Variants in RIF1 observed in about 807,000 individuals in gnomAD.
RIF1 encodes the protein telomere-associated protein RIF1.
A neutral mutation model predicts 247.1 loss-of-function variants in RIF1; 45 were observed. The ratio of observed to expected loss-of-function variants is 0.18; its 90% CI spans 0.14 to 0.23. The LOEUF is 0.23. Among genes scored for constraint, RIF1 ranks in the 10% least tolerant of loss-of-function variants. The probability of loss-of-function intolerance (pLI) is 1.00; values close to 1 mark genes in which losing one functional copy is unlikely to be tolerated. For synonymous variants in RIF1, 1,087 were observed against 978.8 expected (o/e 1.11, Z -2.06); for missense variants, 2,967 against 2,862.5 (o/e 1.04, Z -0.83).
chr2:151,418,799 C>T (rs919463474), intron 6 of RIF1, among the ~76,000 whole-genome samples: 8 of 151,664 alleles, frequency 5.3e-5, no homozygotes, highest in East Asian at 1.9e-4. Context: ...CACTTGCACC[C>T]GGGAGGCAGA....
rs759177337 is a variant in RIF1, at chr2:151,465,215, G to A, written c.5695G>A (p.Val1899Ile). The change falls in exon 30 of 36, where the codon GTT (valine) becomes ATT (isoleucine). Residue 1899 changes from valine to isoleucine, a missense_variant. Physicochemically the swap from Val to Ile is conservative, Grantham distance 29. This residue lies in a region of RIF1 where 2,028 missense variants were observed against 1,825.6 expected (regional missense o/e 1.11). Transcript: ENST00000444746. ...KMELSLENVT[V>I]EGNACKVTES... Reference sequence around the variant, plus strand: ...GGAACTGAGTCTAGAGAATGTTACTGTTGAAGGAAATGCATGTAAAGTAAC... The same window carrying A: ...GGAACTGAGTCTAGAGAATGTTACTATTGAAGGAAATGCATGTAAAGTAAC... 6.2e-7 allele frequency: 1 copy of A among 1,611,218 alleles called. No homozygotes were observed. Among genetic ancestry groups the A allele is most frequent in the South Asian group, 1.1e-5 (1 of 90,258 alleles).
intron 9 of RIF1, among the ~76,000 whole-genome samples, chr2:151,487,974 G>T (rs1050506139): frequency 1.3e-5 from 2 of 152,058 alleles, no homozygotes; most frequent in Non-Finnish European, 2.9e-5. Context: ...GATTCAATTT[G>T]ATACTTTGTA....
At position 151,469,888 on chromosome 2, in the gene RIF1, G is replaced by GA. The variant is rs752920292; in HGVS notation, c.7095+25dup. ...AGGTAAAAACTTAGATATTAGCTAT[G>GA]ATGTATATTAATAAATGATGTAGCA... On this transcript the variant is annotated intron_variant, in intron 34 of 35. Coordinates refer to ENST00000444746, the MANE Select transcript of RIF1 (RefSeq NM_018151.5). The GA allele has an allele frequency of 2.0e-6, 3 of 1,536,132 alleles. No homozygotes were observed. In the African/African-American group the frequency reaches 4.2e-5, roughly 21 times the overall value.
At chr2:151,414,352 T>C (rs1306256756) in intron 3 of RIF1, among the ~76,000 whole-genome samples, 1 of 152,076 alleles carries the variant, frequency 6.6e-6, no homozygotes, top group East Asian at 1.9e-4. Flanking sequence ...TTTAAAAAAT[T>C]GTTTTATTTT....
chr2:151,424,273 T>A (rs1688636495), intron 8 of RIF1, among the ~76,000 whole-genome samples: 1 of 152,094 alleles, frequency 6.6e-6, no homozygotes, highest in African/African-American at 2.4e-5. Context: ...CCGGCTAATT[T>A]TTGTGTTTTT....
intron 12 of RIF1, 41 bp downstream of exon 12, chr2:151,437,044 G>A (rs375466085): frequency 4.6e-6 from 7 of 1,537,262 alleles, no homozygotes; most frequent in Non-Finnish European, 3.5e-6. Flanking sequence ...TACTAAAACA[G>A]TCTAGGACTT....
At chr2:151,518,858 T>C in the RIF1 span, 1 of 703,232 alleles carries the variant, frequency 1.4e-6, no homozygotes, top group African/African-American at 1.8e-5. Flanking sequence ...AGTTTTGTAA[T>C]AAATCTAGGG....
Position 151,447,136 on chromosome 2 carries a change from G to C in RIF1, c.2244+561G>C, listed in dbSNP as rs564379496. 2.0e-5 allele frequency among the ~76,000 whole-genome samples: 3 copies of C among 151,796 alleles called. No homozygotes were observed. In the South Asian group the frequency reaches 6.3e-4, roughly 32 times the overall value. On this transcript the variant is annotated intron_variant, in intron 20 of 35. Transcript: ENST00000444746. ...TTTTTTGTATTTTTAGTAGAGACGG[G>C]GTTTCACCGTGTTAGCCAGGATGGT...
intron 12 of RIF1, among the ~76,000 whole-genome samples, chr2:151,505,793 G>A (rs1228438118): frequency 1.3e-5 from 2 of 152,194 alleles, no homozygotes; most frequent in Non-Finnish European, 2.9e-5. Context: ...CTTTGGGGCA[G>A]GGATGGGGGC....
the RIF1 span, chr2:151,527,447 G>A: frequency 7.1e-7 from 1 of 1,405,910 alleles, no homozygotes; most frequent in South Asian, 1.2e-5. Context: ...GGTGCAGTAT[G>A]CAGTTACAAT....
rs1468882628 is a variant in RIF1, at chr2:151,477,292, T to G, written c.*2221T>G. The G allele has an allele frequency of 6.6e-6, 1 of 152,234 alleles. No individual in the cohort carries two copies. Among genetic ancestry groups the G allele is most frequent in the Non-Finnish European group, 1.5e-5 (1 of 68,040 alleles). The allele number at this position is 152,234 out of a possible 1,614,324, so 9.4% of individuals were successfully genotyped here. A position where few individuals can be genotyped will look rare whatever the true frequency, so the allele number is the denominator to read the frequency against. ...TCTCACTATTAAAATGGAATTCGTTTTTTCAGATCTTTTCTAATGGTTAAT... is the reference window on the plus strand; with the variant it reads ...TCTCACTATTAAAATGGAATTCGTTGTTTCAGATCTTTTCTAATGGTTAAT... On this transcript the variant is annotated 3_prime_UTR_variant, in exon 36 of 36. Coordinates refer to ENST00000444746, the MANE Select transcript of RIF1 (RefSeq NM_018151.5).
chr2:151,442,549 C>T (rs898424304), intron 16 of RIF1, among the ~76,000 whole-genome samples: 5 of 152,016 alleles, frequency 3.3e-5, no homozygotes, highest in Non-Finnish European at 7.4e-5. Flanking sequence ...AAATAAATGG[C>T]TCCAAAAGGA....
At chr2:151,502,791 A>C (rs1472841503) in intron 11 of RIF1, 4 of 1,574,714 alleles carry the variant, frequency 2.5e-6, no homozygotes, top group African/African-American at 1.4e-5. Flanking sequence ...CCTAAGAAAT[A>C]CCGAGCTAAA....
chr2:151,445,778 A>G (rs966326828), intron 19 of RIF1, among the ~76,000 whole-genome samples: 4 of 152,080 alleles, frequency 2.6e-5, no homozygotes, highest in African/African-American at 9.7e-5. Flanking sequence ...ACCTCAAGTG[A>G]TCCACCTGCC....
At chr2:151,471,064 A>G (rs1240803162) in intron 34 of RIF1, among the ~76,000 whole-genome samples, 1 of 152,034 alleles carries the variant, frequency 6.6e-6, no homozygotes, top group Non-Finnish European at 1.5e-5. Context: ...CTGACCCATT[A>G]GCTATCACTC....
At chr2:151,472,296 T>G (rs180920607) in intron 34 of RIF1, among the ~76,000 whole-genome samples, 2 of 152,196 alleles carry the variant, frequency 1.3e-5, no homozygotes, top group African/African-American at 2.4e-5. Flanking sequence ...TTTCTAGATA[T>G]ACAATCATGT....
In RIF1 at chr2:151,443,344, T is replaced by C; in HGVS notation, c.1805+15T>C. The C allele has an allele frequency of 6.6e-7, 1 of 1,519,480 alleles. No individual in the cohort carries two copies. The highest frequency in any genetic ancestry group is 9.1e-7 in the Non-Finnish European group (1 of 1,099,980). 94.1% of individuals were successfully genotyped at this position (1,519,480 alleles called of 1,614,324 possible). A position where few individuals can be genotyped will look rare whatever the true frequency, so the allele number is the denominator to read the frequency against. On this transcript the variant is annotated intron_variant, in intron 17 of 35. Transcript: ENST00000444746. ...TCAGATGAAAGGTAAGTTTGTACTT[T>C]AACTTGAAACTTTGTCTTGGAAAGG...
chr2:151,478,082 A>G lies in RIF1; in HGVS notation c.*3011A>G, dbSNP rs2049015435. 6.6e-6 allele frequency: 1 copy of G among 152,224 alleles called. No homozygotes were observed. The highest frequency in any genetic ancestry group is 1.9e-4 in the East Asian group (1 of 5,208). 9.4% of individuals were successfully genotyped at this position (152,224 alleles called of 1,614,324 possible). A position where few individuals can be genotyped will look rare whatever the true frequency, so the allele number is the denominator to read the frequency against. On this transcript the variant is annotated 3_prime_UTR_variant, in exon 36 of 36. Transcript: ENST00000444746. ...AAATTTTCAATATTTCAGTGACCTC[A>G]TTGTTAAAGCTGCTTTGCCACTTGT...
At chr2:151,522,168 A>C in the RIF1 span, among the ~76,000 whole-genome samples, 1 of 152,090 alleles carries the variant, frequency 6.6e-6, no homozygotes, top group African/African-American at 2.4e-5. Flanking sequence ...TATTTTTAGG[A>C]GTTTAATTGT....
Sources: allele counts gnomAD v4.1 joint callset (sites outside exome capture counted in the v4.1 genomes callset), GRCh38; gene constraint gnomAD v4.1.1; regional missense constraint gnomAD v4.1.1; transcripts MANE v1.5; gene names NCBI Gene and HGNC (gene_info 2026-07-23, HGNC 2026-07-21).